Variants in TMEM131 observed in about 807,000 individuals in gnomAD.
TMEM131 encodes the protein transmembrane protein 131.
A neutral mutation model predicts 211.6 loss-of-function variants in TMEM131; 66 were observed. That is an observed-to-expected ratio of 0.31 (90% confidence interval 0.26 to 0.38). TMEM131 has a LOEUF of 0.38. Among genes scored for constraint, TMEM131 ranks in the 10% least tolerant of loss-of-function variants. TMEM131 has a pLI of 1.00. For synonymous variants in TMEM131, 844 were observed against 841.3 expected, an observed-to-expected ratio of 1.00 and a Z score of -0.06; for missense variants, 2,036 against 2,299.3, an observed-to-expected ratio of 0.89 and a Z score of 2.34.
At chr2:97,856,118 G>A (rs1283196337) in intron 5 of TMEM131, among the ~76,000 whole-genome samples, 1 of 152,040 alleles carries the variant, frequency 6.6e-6, no homozygotes, top group Non-Finnish European at 1.5e-5. Flanking sequence ...CTGTGTGTAA[G>A]GCACCCCATT....
At chr2:97,866,236 A>G (rs913222652) in intron 4 of TMEM131, among the ~76,000 whole-genome samples, 1 of 152,244 alleles carries the variant, frequency 6.6e-6, no homozygotes, top group Admixed American at 6.5e-5. Context: ...TTATAAGTCT[A>G]TTCAGATTTT....
chr2:97,937,506 C>A (rs962700228), intron 1 of TMEM131, among the ~76,000 whole-genome samples: 10 of 151,986 alleles, frequency 6.6e-5, no homozygotes, highest in Non-Finnish European at 1.2e-4. Context: ...GACATTAGTC[C>A]AAACTAAACT....
chr2:97,918,236 G>A (rs1459137586), intron 2 of TMEM131, among the ~76,000 whole-genome samples: 2 of 152,068 alleles, frequency 1.3e-5, no homozygotes, highest in Non-Finnish European at 2.9e-5. Context: ...GATCCACTGC[G>A]CCCGGCCAAC....
chr2:97,789,310 T>C (rs1365779805), intron 31 of TMEM131, among the ~76,000 whole-genome samples: 2 of 152,246 alleles, frequency 1.3e-5, no homozygotes, highest in Non-Finnish European at 2.9e-5. Context: ...GATTCTCTGC[T>C]TGTCCCAATT....
chr2:97,985,091 A>G (rs1679965617), intron 1 of TMEM131, among the ~76,000 whole-genome samples: 1 of 152,172 alleles, frequency 6.6e-6, no homozygotes, highest in South Asian at 2.1e-4. Flanking sequence ...CTTTAAAAAT[A>G]TAAGAAATTT....
intron 2 of TMEM131, among the ~76,000 whole-genome samples, chr2:97,911,838 T>C (rs1676305031): frequency 6.6e-6 from 1 of 152,200 alleles, no homozygotes; most frequent in Admixed American, 6.5e-5. Flanking sequence ...ATAGACACTA[T>C]TTTGTTTCTG....
intron 1 of TMEM131, among the ~76,000 whole-genome samples, chr2:97,958,340 C>G (rs1180994603): frequency 6.6e-6 from 1 of 152,206 alleles, no homozygotes; most frequent in African/African-American, 2.4e-5. Context: ...AAAGCTCAAG[C>G]TCAGGCTGTC....
intron 1 of TMEM131, among the ~76,000 whole-genome samples, chr2:97,993,649 C>G (rs78806208): frequency 0.02 from 3,087 of 152,306 alleles, 115 homozygotes; most frequent in African/African-American, 0.067. Flanking sequence ...CTGATTCACC[C>G]AGGCCACTGG....
At chr2:97,931,594 T>C (rs1032318268) in intron 1 of TMEM131, among the ~76,000 whole-genome samples, 11 of 152,018 alleles carry the variant, frequency 7.2e-5, no homozygotes, top group Non-Finnish European at 1.5e-4. Context: ...AGTAGAAAAA[T>C]TTATGCCATA....
chr2:97,894,782 G>A (rs1417162014), intron 3 of TMEM131, among the ~76,000 whole-genome samples: 1 of 152,128 alleles, frequency 6.6e-6, no homozygotes, highest in East Asian at 1.9e-4. Flanking sequence ...TGAGATGATG[G>A]GGTTTTGTAA....
At position 97,780,673 on chromosome 2, in the gene TMEM131, A is replaced by G. The variant is rs564797098; in HGVS notation, c.4145-4655T>C. 1.1e-3 allele frequency among the ~76,000 whole-genome samples: 167 copies of G among 152,284 alleles called. 1 individual carries two copies. Among genetic ancestry groups the G allele is most frequent in the African/African-American group, 4.0e-3 (166 of 41,548 alleles). On this transcript the variant is annotated intron_variant, in intron 31 of 40. Coordinates refer to ENST00000186436, the MANE Select transcript of TMEM131 (RefSeq NM_015348.2). ...TAACATATATAATTATTATTTGCCAATTAAAAAAACAGAATTCAGAGGGAG... is the reference window on the plus strand; with the variant it reads ...TAACATATATAATTATTATTTGCCAGTTAAAAAAACAGAATTCAGAGGGAG...
At chr2:97,800,040 G>A (rs1034871897) in intron 25 of TMEM131, among the ~76,000 whole-genome samples, 2 of 152,084 alleles carry the variant, frequency 1.3e-5, no homozygotes, top group Non-Finnish European at 2.9e-5. Flanking sequence ...GAATGGAATA[G>A]GTTTATTATT....
intron 3 of TMEM131, 37 bp from the exon 4 acceptor site, chr2:97,888,157 T>TGTCAAACAACATATG: frequency 1.3e-6 from 2 of 1,556,670 alleles, no homozygotes; most frequent in Non-Finnish European, 1.8e-6. Context: ...GAAGCAATTC[T>TGTCAAACAACATATG]TCAAAATATA....
intron 3 of TMEM131, among the ~76,000 whole-genome samples, chr2:97,904,278 G>A (rs1471130256): frequency 1.3e-5 from 2 of 152,050 alleles, no homozygotes; most frequent in Admixed American, 6.6e-5. Context: ...ATATTTAGGG[G>A]TAAAATAGCA....
intron 1 of TMEM131, among the ~76,000 whole-genome samples, chr2:97,937,365 C>A (rs1677494055): frequency 4.6e-5 from 7 of 151,952 alleles, no homozygotes; most frequent in Admixed American, 2.0e-4. Context: ...TTAAGATTAT[C>A]CAGTCTGGGA....
Position 97,836,067 on chromosome 2 carries a change from A to G in TMEM131, c.804+1010T>C, listed in dbSNP as rs578035946. Among the ~76,000 whole-genome samples the G allele has an allele frequency of 2.1e-4, 32 of 152,336 alleles. No homozygotes were observed. The South Asian group carries it at 5.8e-3, about 28-fold the overall frequency. On this transcript the variant is annotated intron_variant, in intron 8 of 40. Transcript: ENST00000186436. Reference sequence around the variant, plus strand: ...ATTTAATCCTCTGAAGGATTGTTTTATAGATGATTTTTCCCTCAAACACCA... The same window carrying G: ...ATTTAATCCTCTGAAGGATTGTTTTGTAGATGATTTTTCCCTCAAACACCA...
intron 1 of TMEM131, among the ~76,000 whole-genome samples, chr2:97,971,539 G>T (rs1679295468): frequency 6.6e-6 from 1 of 152,174 alleles, no homozygotes; most frequent in Admixed American, 6.5e-5. Context: ...TCAAAACTTT[G>T]TGAAATAATC....
chr2:97,792,259 G>A (rs1312510894), intron 31 of TMEM131, 127 bp downstream of exon 31: 9 of 722,002 alleles, frequency 1.2e-5, no homozygotes, highest in African/African-American at 1.8e-5. Flanking sequence ...CAACACTGGA[G>A]ATAAATCTGA....
intron 1 of TMEM131, among the ~76,000 whole-genome samples, chr2:97,975,597 C>T (rs1385005749): frequency 1.3e-5 from 2 of 151,658 alleles, no homozygotes; most frequent in African/African-American, 2.4e-5. Flanking sequence ...CCTGAAGAGC[C>T]CTGCTTCTTA....
Sources: gnomAD v4.1 joint callset for allele counts (sites outside exome capture counted in the v4.1 genomes callset) on GRCh38, gnomAD v4.1.1 for gene constraint, MANE v1.5 for transcripts, NCBI Gene and HGNC (gene_info 2026-07-23, HGNC 2026-07-21) for gene names.